Variants in KCNH8 observed in about 807,000 individuals in gnomAD.
KCNH8 encodes voltage-gated delayed rectifier potassium channel KCNH8.
In KCNH8, 70 loss-of-function variants were observed where a neutral mutation model predicts 103.6. That is an observed-to-expected ratio of 0.68 (90% CI 0.56 to 0.82). The LOEUF is 0.82. Ranked by LOEUF, KCNH8 falls within the 40% of genes least tolerant of loss-of-function variation. The pLI is 0.00. For synonymous variants in KCNH8, 498 were observed against 489.4 expected (o/e 1.02, Z -0.23); for missense variants, 1,217 against 1,329.9 (o/e 0.92, Z 1.32).
intron 3 of KCNH8, among the ~76,000 whole-genome samples, chr3:19,316,795 C>G (rs2065280435): frequency 6.6e-6 from 1 of 151,952 alleles, no homozygotes; most frequent in Non-Finnish European, 1.5e-5. Flanking sequence ...CTCCAAGTCT[C>G]TCAACACACT....
At chr3:19,388,139 C>A (rs956579675) in intron 5 of KCNH8, among the ~76,000 whole-genome samples, 4 of 152,006 alleles carry the variant, frequency 2.6e-5, no homozygotes, top group Non-Finnish European at 5.9e-5. Flanking sequence ...TCCATGGTCA[C>A]TTATTCAAGG....
rs1449607562 is a variant in KCNH8 at position 19,310,851 on chromosome 3, T to G, written c.442+29522T>G. Among the ~76,000 whole-genome samples, 3 of 151,898 alleles carry G rather than the reference T, an allele frequency of 2.0e-5. No homozygotes were observed. In the East Asian group the frequency reaches 5.8e-4, roughly 29 times the overall value. On this transcript the variant is annotated intron_variant, in intron 3 of 15. Coordinates refer to ENST00000328405, the MANE Select transcript of KCNH8 (RefSeq NM_144633.3). The stretch of plus-strand genomic sequence containing the variant: ...AAACATAAGGTGAAAAAATACAATT[T>G]CTAATAATACTTCAGGATCACAGCC...
chr3:19,379,409 T>A (rs990311295), intron 5 of KCNH8, among the ~76,000 whole-genome samples: 17 of 151,976 alleles, frequency 1.1e-4, no homozygotes, highest in African/African-American at 4.1e-4. Flanking sequence ...TGGGAGGCCA[T>A]GGTGGGCAGA....
At chr3:19,338,027 T>C (rs1445359837) in intron 3 of KCNH8, among the ~76,000 whole-genome samples, 1 of 151,944 alleles carries the variant, frequency 6.6e-6, no homozygotes, top group Non-Finnish European at 1.5e-5. Context: ...GGAGTTATTC[T>C]TCTTATTCAA....
intron 7 of KCNH8, among the ~76,000 whole-genome samples, chr3:19,427,450 GTTC>G (rs757763570): frequency 1.1e-4 from 17 of 152,238 alleles, no homozygotes; most frequent in Non-Finnish European, 2.4e-4. Context: ...GTGATTTGAA[GTTC>G]TTAGTTTATT....
chr3:19,254,641 G>T (rs1019940864), intron 2 of KCNH8, among the ~76,000 whole-genome samples: 1 of 152,066 alleles, frequency 6.6e-6, no homozygotes, highest in African/African-American at 2.4e-5. Flanking sequence ...ATTTAAGAGG[G>T]AGAAATGGGA....
chr3:19,274,175 C>T (rs533657781), intron 2 of KCNH8, among the ~76,000 whole-genome samples: 1 of 152,256 alleles, frequency 6.6e-6, no homozygotes, highest in African/African-American at 2.4e-5. Context: ...CATTTCTTCA[C>T]AGGACTGTTG....
At chr3:19,153,319 A>G (rs536311580) in intron 1 of KCNH8, among the ~76,000 whole-genome samples, 12 of 152,204 alleles carry the variant, frequency 7.9e-5, no homozygotes, top group Non-Finnish European at 1.6e-4. Context: ...TGACATTATT[A>G]TATAGAGAAA....
At chr3:19,365,564 A>G (rs996136341) in intron 5 of KCNH8, among the ~76,000 whole-genome samples, 4 of 152,080 alleles carry the variant, frequency 2.6e-5, no homozygotes, top group African/African-American at 7.2e-5. Context: ...AAAAATCGTA[A>G]TGAACATCTC....
chr3:19,415,984 T>C (rs898417678), intron 7 of KCNH8, among the ~76,000 whole-genome samples: 1 of 152,104 alleles, frequency 6.6e-6, no homozygotes, highest in Admixed American at 6.6e-5. Flanking sequence ...CAGTACTGTT[T>C]CTCTTTGATG....
chr3:19,198,984 G>A (rs1575430387), intron 1 of KCNH8, among the ~76,000 whole-genome samples: 1 of 152,018 alleles, frequency 6.6e-6, no homozygotes, highest in African/African-American at 2.4e-5. Flanking sequence ...AGTGGCAGGC[G>A]TCAGGTGAAC....
intron 3 of KCNH8, among the ~76,000 whole-genome samples, chr3:19,283,262 G>A (rs2064780966): frequency 6.6e-6 from 1 of 152,042 alleles, no homozygotes; most frequent in Non-Finnish European, 1.5e-5. Context: ...CAATAACAAA[G>A]TAATCCAAAA....
Position 19,438,153 on chromosome 3 carries a change from C to T in KCNH8, c.1178-11C>T. The T allele has an allele frequency of 6.2e-7, 1 of 1,611,250 alleles. No individual in the cohort carries two copies. Among genetic ancestry groups the T allele is most frequent in the Non-Finnish European group, 8.5e-7 (1 of 1,177,650 alleles). On this transcript the variant is annotated splice_polypyrimidine_tract_variant and intron_variant, in intron 7 of 15. Transcript: ENST00000328405. ...TTTCTTCTCTCATTTGCTTTATTTCCTCCTTTGCAGGTTGGCTTCATGAGT... is the reference window on the plus strand; with the variant it reads ...TTTCTTCTCTCATTTGCTTTATTTCTTCCTTTGCAGGTTGGCTTCATGAGT...
chr3:19,473,689 A>G (rs374598347), intron 11 of KCNH8, among the ~76,000 whole-genome samples: 1 of 152,222 alleles, frequency 6.6e-6, no homozygotes, highest in African/African-American at 2.4e-5. Flanking sequence ...GTGGAAATAA[A>G]TGAAAATCTC....
intron 11 of KCNH8, among the ~76,000 whole-genome samples, chr3:19,488,268 C>G (rs1242145262): frequency 6.6e-6 from 1 of 152,038 alleles, no homozygotes; most frequent in African/African-American, 2.4e-5. Context: ...TTCCCAGAAC[C>G]CTCCTTTTCT....
chr3:19,413,888 C>T (rs2066822289), intron 7 of KCNH8, among the ~76,000 whole-genome samples: 1 of 152,016 alleles, frequency 6.6e-6, no homozygotes, highest in South Asian at 2.1e-4. Context: ...AGGATGAAGA[C>T]ATAATATGAC....
chr3:19,419,360 C>G lies in KCNH8; in HGVS notation c.1178-18804C>G, dbSNP rs376768388. Reference sequence around the variant, plus strand: ...GACTACAGGCGCCCGCCACCACGCCCGGCTAATTTTTTTGTATTTTTAGTA... The same window carrying G: ...GACTACAGGCGCCCGCCACCACGCCGGGCTAATTTTTTTGTATTTTTAGTA... On this transcript the variant is annotated intron_variant, in intron 7 of 15. Coordinates refer to ENST00000328405, the MANE Select transcript of KCNH8 (RefSeq NM_144633.3). 6.1e-3 allele frequency among the ~76,000 whole-genome samples: 926 copies of G among 151,460 alleles called. 12 individuals carry two copies. The highest frequency in any genetic ancestry group is 0.021 in the African/African-American group (855 of 41,308).
intron 3 of KCNH8, among the ~76,000 whole-genome samples, chr3:19,290,459 G>C (rs182993923): frequency 8.0e-4 from 122 of 152,286 alleles, no homozygotes; most frequent in Admixed American, 4.7e-3. Flanking sequence ...ATCATGAAGA[G>C]TTGTTGAATT....
chr3:19,403,334 TC>T lies in KCNH8; in HGVS notation c.1177+8030del, dbSNP rs1237186775. Among the ~76,000 whole-genome samples, 10 of 139,944 alleles carry T rather than the reference TC, an allele frequency of 7.1e-5. 1 individual carries two copies. Among genetic ancestry groups the T allele is most frequent in the African/African-American group, 2.3e-4 (9 of 39,012 alleles). 91.8% of individuals were successfully genotyped at this position (139,944 alleles called of 152,430 possible). Reference sequence around the variant, plus strand: ...CAAACAATTACTCACTTTCTTCTGTTCCCCCCCATGAAATACATATGTAAAG... The same window carrying T: ...CAAACAATTACTCACTTTCTTCTGTTCCCCCCATGAAATACATATGTAAAG... On this transcript the variant is annotated intron_variant, in intron 7 of 15. Coordinates refer to ENST00000328405, the MANE Select transcript of KCNH8 (RefSeq NM_144633.3).
Sources: allele counts gnomAD v4.1 joint callset (sites outside exome capture counted in the v4.1 genomes callset), GRCh38; gene constraint gnomAD v4.1.1; transcripts MANE v1.5; gene names NCBI Gene and HGNC (gene_info 2026-07-23, HGNC 2026-07-21).